PHF2: variants seen among roughly 807,000 people sequenced by gnomAD.
PHF2 encodes lysine-specific demethylase PHF2.
PHF2 carries 27 observed loss-of-function variants against 120.5 expected under a neutral mutation model. The observed-to-expected ratio is 0.22, with a 90% CI of 0.17 to 0.31. PHF2 has a LOEUF of 0.31. Among genes scored for constraint, PHF2 ranks in the 10% least tolerant of loss-of-function variants. The pLI, the probability that PHF2 is intolerant of heterozygous loss-of-function variation, is 1.00. For synonymous variants in PHF2, 568 were observed against 592.5 expected, an observed-to-expected ratio of 0.96 and a Z score of 0.60; for missense variants, 1,024 against 1,434.8, an observed-to-expected ratio of 0.71 and a Z score of 4.63.
chr9:93,672,519 C>T (rs1380902833), intron 17 of PHF2: 17 of 981,890 alleles, frequency 1.7e-5, no homozygotes, highest in Non-Finnish European at 1.9e-5. Context: ...GGTGTAGGTA[C>T]AGGTGCAGAT....
In PHF2 at chr9:93,675,695, C is replaced by G; in HGVS notation, c.2738C>G (p.Ser913Trp). The G allele has an allele frequency of 6.2e-7, 1 of 1,611,748 alleles. No homozygotes were observed. Among genetic ancestry groups the G allele is most frequent in the Non-Finnish European group, 8.5e-7 (1 of 1,178,796 alleles). ...TTTTCCACAGCAAGGGTCGGCCCAT[C>G]GGTGCCAAGACAGGACAGGCCTGTG... Reference protein sequence around the residue: ...PYSPTARVGPSVPRQDRPVRE... With the variant: ...PYSPTARVGPWVPRQDRPVRE... Residue 913 changes from serine to tryptophan, a missense_variant, in exon 20 of 22, where the codon TCG becomes TGG. By Grantham distance (177) the Ser-to-Trp change is radical. Coordinates refer to ENST00000359246, the MANE Select transcript of PHF2 (RefSeq NM_005392.4).
intron 1 of PHF2, among the ~76,000 whole-genome samples, chr9:93,580,366 C>T (rs1054426408): frequency 9.9e-5 from 15 of 152,146 alleles, no homozygotes; most frequent in African/African-American, 3.4e-4. Context: ...CGCTCTGCAC[C>T]GGCACTGAGG....
At chr9:93,631,093 G>T (rs1825994713) in intron 2 of PHF2, among the ~76,000 whole-genome samples, 1 of 152,154 alleles carries the variant, frequency 6.6e-6, no homozygotes, top group African/African-American at 2.4e-5. Flanking sequence ...GAATCAGTAG[G>T]GGCAGAGGGA....
chr9:93,653,888 G>C (rs1300238876), intron 6 of PHF2, among the ~76,000 whole-genome samples: 1 of 152,154 alleles, frequency 6.6e-6, no homozygotes, highest in Non-Finnish European at 1.5e-5. Flanking sequence ...GCTGGACCTG[G>C]ATCTGGGGGC....
In PHF2 at chr9:93,665,847, C is replaced by T. The variant is rs745947229; in HGVS notation, c.2099C>T (p.Pro700Leu). Reference protein sequence around the residue: ...EFPIRRKKNAPKRDLSFLLDK... With the variant: ...EFPIRRKKNALKRDLSFLLDK... ...CCCATCAGGAGGAAGAAAAACGCCC[C>T]GAAAAGGGACTTGTCCTGTGAGTTG... Residue 700 changes from proline to leucine, a missense_variant, in exon 15 of 22, where the codon CCG becomes CTG. Around this residue, in one of 2 missense-constraint regions of PHF2, gnomAD observed 677 missense variants for 857.4 expected, o/e 0.79. Transcript: ENST00000359246. The T allele has an allele frequency of 7.4e-6, 12 of 1,613,316 alleles. No individual in the cohort carries two copies. Among genetic ancestry groups the T allele is most frequent in the East Asian group, 4.5e-5 (2 of 44,828 alleles).
chr9:93,656,979 C>T lies in PHF2; in HGVS notation c.1147+384C>T, dbSNP rs1311621481. Among the ~76,000 whole-genome samples, 1 of 152,026 alleles carries T rather than the reference C, an allele frequency of 6.6e-6. No individual in the cohort carries two copies. The highest frequency in any genetic ancestry group is 1.5e-5 in the Non-Finnish European group (1 of 67,986). On this transcript the variant is annotated intron_variant, in intron 9 of 21. Transcript: ENST00000359246. The surrounding 1 kb of genome is among the most constrained non-coding windows in gnomAD (Gnocchi z 4.1). ...GTGGGTGCGAGTGGGCTCTGGGTCC[C>T]CTTAGGCTCCCTCAGGGGCCTGGCA...
intron 1 of PHF2, among the ~76,000 whole-genome samples, chr9:93,578,001 G>T (rs1299892570): frequency 6.6e-6 from 1 of 152,224 alleles, no homozygotes; most frequent in Non-Finnish European, 1.5e-5. Flanking sequence ...GGGGTGTGTG[G>T]TGGTGGGTGG....
chr9:93,665,682 C>T lies in PHF2; in HGVS notation c.1938-4C>T. On this transcript the variant is annotated splice_polypyrimidine_tract_variant and splice_region_variant and intron_variant, in intron 14 of 21. Coordinates refer to ENST00000359246, the MANE Select transcript of PHF2 (RefSeq NM_005392.4). ...TGCTGCTGACCCACTCGCTTCTGCC[C>T]TAGCTCCAAGGCTCTCAGGCCCCCG... 1 of 1,613,364 alleles carries T rather than the reference C, an allele frequency of 6.2e-7. No homozygotes were observed. The highest frequency in any genetic ancestry group is 8.5e-7 in the Non-Finnish European group (1 of 1,179,884).
chr9:93,589,768 CT>C (rs1397550721), intron 1 of PHF2, among the ~76,000 whole-genome samples: 6 of 152,214 alleles, frequency 3.9e-5, no homozygotes, highest in African/African-American at 1.2e-4. Flanking sequence ...TGCCTCTCCC[CT>C]GTCTCCCCGT....
At chr9:93,663,440 T>C (rs969900830) in intron 13 of PHF2, 77 bp from the exon 14 acceptor site, 2 of 883,644 alleles carry the variant, frequency 2.3e-6, no homozygotes, top group African/African-American at 3.4e-5. Flanking sequence ...AGCTGCCTCT[T>C]CTCACTGACA....
At chr9:93,613,391 C>A (rs1022701122) in intron 1 of PHF2, among the ~76,000 whole-genome samples, 1 of 151,972 alleles carries the variant, frequency 6.6e-6, no homozygotes, top group Non-Finnish European at 1.5e-5. Context: ...AGTTATAGCC[C>A]CGATGGGTCA....
At chr9:93,667,911 T>C (rs1009069941) in intron 17 of PHF2, among the ~76,000 whole-genome samples, 2 of 152,162 alleles carry the variant, frequency 1.3e-5, no homozygotes, top group African/African-American at 4.8e-5. Flanking sequence ...TCCTGCTCAG[T>C]TCCCAAGATG....
Position 93,655,941 on chromosome 9 carries a change from C to G in PHF2, c.960C>G (p.Ile320Met). 6.2e-7 allele frequency: 1 copy of G among 1,611,616 alleles called. No homozygotes were observed. Among genetic ancestry groups the G allele is most frequent in the Non-Finnish European group, 8.5e-7 (1 of 1,179,214 alleles). The part of the protein sequence containing the change: ...GQTLFIPSGW[I>M]YATLTPVDCL... ...CTCCTGTCTCTCTCCCAGGCTGGAT[C>G]TACGCCACACTCACCCCTGTGGACT... Residue 320 changes from isoleucine (I) to methionine (M), a missense_variant, in exon 8 of 22, where the codon ATC (isoleucine) becomes ATG (methionine). By Grantham distance (10) the Ile-to-Met change is conservative. Around this residue, in one of 2 missense-constraint regions of PHF2, gnomAD observed 347 missense variants for 577.4 expected, o/e 0.60. Transcript: ENST00000359246.
chr9:93,672,192 A>G (rs55915414), intron 17 of PHF2, among the ~76,000 whole-genome samples: 115 of 55,540 alleles, frequency 2.1e-3, no homozygotes, highest in East Asian at 5.3e-3. Context: ...GTAGATGCAG[A>G]TGTGGGTGTG....
intron 10 of PHF2, 115 bp downstream of exon 10, chr9:93,658,351 T>G (rs965470054): frequency 9.3e-5 from 78 of 835,338 alleles, no homozygotes; most frequent in Non-Finnish European, 9.5e-5. Flanking sequence ...AGATCCAGCC[T>G]GGGAAGGACG....
At chr9:93,608,625 T>C (rs182215342) in intron 1 of PHF2, among the ~76,000 whole-genome samples, 17 of 152,292 alleles carry the variant, frequency 1.1e-4, no homozygotes, top group Admixed American at 8.5e-4. Flanking sequence ...TTAATAGTTA[T>C]AGACCTAGTC....
chr9:93,671,766 G>T (rs1390797612), intron 17 of PHF2, among the ~76,000 whole-genome samples: 2 of 144,332 alleles, frequency 1.4e-5, no homozygotes, highest in Admixed American at 6.8e-5. Context: ...GCAGATGTGG[G>T]TGTGGATGTA....
rs1277306543 is a variant in PHF2, at chr9:93,678,740, C to CT, written c.*1070dup. On this transcript the variant is annotated 3_prime_UTR_variant, in exon 22 of 22. Coordinates refer to ENST00000359246, the MANE Select transcript of PHF2 (RefSeq NM_005392.4). ...GTGTAAATAGCTTTTTAAATAACTT[C>CT]TTTTTTATAAGAGTAAAAGTATCTT... 1 of 152,592 alleles carries CT rather than the reference C, an allele frequency of 6.6e-6. No individual in the cohort carries two copies. Among genetic ancestry groups the CT allele is most frequent in the Non-Finnish European group, 1.5e-5 (1 of 68,148 alleles). 9.5% of individuals were successfully genotyped at this position (152,592 alleles called of 1,614,324 possible). A position where few individuals can be genotyped will look rare whatever the true frequency, so the allele number is the denominator to read the frequency against.
intron 1 of PHF2, among the ~76,000 whole-genome samples, chr9:93,611,675 G>A (rs563412129): frequency 2.5e-4 from 38 of 151,998 alleles, no homozygotes; most frequent in African/African-American, 8.7e-4. Context: ...TATGCCTGGC[G>A]CTTTTTTATT....
Sources: allele counts gnomAD v4.1 joint callset (sites outside exome capture counted in the v4.1 genomes callset), GRCh38; gene constraint gnomAD v4.1.1; regional missense constraint gnomAD v4.1.1; non-coding constraint Gnocchi (gnomAD v3.1); transcripts MANE v1.5; gene names NCBI Gene and HGNC (gene_info 2026-07-23, HGNC 2026-07-21).